The following SH3PXD2A variants were observed in gnomAD, a reference collection of about 807,000 sequenced individuals.
The protein encoded by SH3PXD2A is SH3 and PX domain-containing protein 2A.
SH3PXD2A carries 32 observed loss-of-function variants against 115.2 expected under a neutral mutation model. The ratio of observed to expected loss-of-function variants is 0.28; its 90% CI spans 0.21 to 0.37. The LOEUF (loss-of-function observed/expected upper bound fraction) is 0.37. Among genes scored for constraint, SH3PXD2A ranks in the 10% least tolerant of loss-of-function variants. The probability of loss-of-function intolerance (pLI) is 1.00; values close to 1 mark genes in which losing one functional copy is unlikely to be tolerated. For synonymous variants in SH3PXD2A, 610 were observed against 629.1 expected (o/e 0.97, Z 0.45); for missense variants, 1,328 against 1,498.7 (o/e 0.89, Z 1.88).
intron 9 of SH3PXD2A, among the ~76,000 whole-genome samples, chr10:103,626,098 C>T (rs1450662350): frequency 6.6e-6 from 1 of 152,254 alleles, no homozygotes; most frequent in Non-Finnish European, 1.5e-5. Context: ...GGGCCTTGTC[C>T]CTGGAAACCT....
chr10:103,821,897 C>T (rs2039384428), intron 1 of SH3PXD2A, among the ~76,000 whole-genome samples: 1 of 120,558 alleles, frequency 8.3e-6, no homozygotes, highest in African/African-American at 3.2e-5. Context: ...TTACTTCATC[C>T]TTCTTCTTTT....
chr10:103,812,961 GTA>G (rs1338958511), intron 1 of SH3PXD2A, among the ~76,000 whole-genome samples: 1 of 152,140 alleles, frequency 6.6e-6, no homozygotes, highest in Non-Finnish European at 1.5e-5. Context: ...GTATGTGTGT[GTA>G]TATATGTGTG....
chr10:103,602,426 C>T lies in SH3PXD2A; in HGVS notation c.2792G>A (p.Arg931Lys), dbSNP rs2036231903. ...GACGGTGTTCAGTGCTTGGACGCGCCTCTCGATCTTCTCCAGGCTGTCTGA... is the reference window on the plus strand; with the variant it reads ...GACGGTGTTCAGTGCTTGGACGCGCTTCTCGATCTTCTCCAGGCTGTCTGA... Reference protein sequence around the residue: ...GKSDSLEKIERRVQALNTVNQ... With the variant: ...GKSDSLEKIEKRVQALNTVNQ... Residue 931 changes from arginine to lysine, a missense_variant, in exon 15 of 15, where the codon AGG becomes AAG. Around this residue, in one of 5 missense-constraint regions of SH3PXD2A, gnomAD observed 574 missense variants for 565.7 expected, o/e 1.01. Coordinates refer to ENST00000369774, the MANE Select transcript of SH3PXD2A (RefSeq NM_001394015.1). 3 of 1,614,168 alleles carry T rather than the reference C, an allele frequency of 1.9e-6. No individual in the cohort carries two copies. Among genetic ancestry groups the T allele is most frequent in the South Asian group, 2.2e-5 (2 of 91,086 alleles).
intron 1 of SH3PXD2A, among the ~76,000 whole-genome samples, chr10:103,815,557 T>C (rs1238846445): frequency 1.3e-5 from 2 of 151,460 alleles, no homozygotes; most frequent in South Asian, 2.1e-4. Context: ...TGAATGAACC[T>C]GGAGGACATT....
chr10:103,616,574 G>T (rs2036521752), intron 11 of SH3PXD2A, among the ~76,000 whole-genome samples: 1 of 152,230 alleles, frequency 6.6e-6, no homozygotes, highest in African/African-American at 2.4e-5. Context: ...TGGGAACTGT[G>T]ATTAGGCCTG....
chr10:103,740,632 G>A (rs1474863488), intron 3 of SH3PXD2A, among the ~76,000 whole-genome samples: 1 of 152,216 alleles, frequency 6.6e-6, no homozygotes, highest in Non-Finnish European at 1.5e-5. Flanking sequence ...TATAGGAGCC[G>A]TAAGAGAGGG....
At chr10:103,721,058 AG>A (rs1415710039) in intron 5 of SH3PXD2A, among the ~76,000 whole-genome samples, 12 of 152,226 alleles carry the variant, frequency 7.9e-5, no homozygotes, top group Admixed American at 7.2e-4. Flanking sequence ...CTCAAGAAAG[AG>A]GCAGATAACC....
intron 6 of SH3PXD2A, 99 bp downstream of exon 6, chr10:103,692,929 C>T (rs184726696): frequency 3.1e-6 from 3 of 966,194 alleles, no homozygotes; most frequent in African/African-American, 1.7e-5. Context: ...AGGACAACCC[C>T]CCCCTCCCCG....
chr10:103,642,251 A>G (rs1383990887), intron 8 of SH3PXD2A, among the ~76,000 whole-genome samples: 1 of 152,048 alleles, frequency 6.6e-6, no homozygotes, highest in Non-Finnish European at 1.5e-5. Flanking sequence ...AGAAAAGCAC[A>G]CACGATGAAA....
chr10:103,603,920 G>T, intron 14 of SH3PXD2A, 131 bp from the exon 15 acceptor site: 1 of 1,049,130 alleles, frequency 9.5e-7, no homozygotes, highest in Non-Finnish European at 1.3e-6. Context: ...CCGAGCCACT[G>T]AGTAAGTGGC....
chr10:103,821,643 C>G (rs2039381466), intron 1 of SH3PXD2A, among the ~76,000 whole-genome samples: 1 of 152,046 alleles, frequency 6.6e-6, no homozygotes, highest in Admixed American at 6.6e-5. Context: ...GCCTCGACCT[C>G]CTGGGCTCAA....
At chr10:103,623,001 T>G (rs914435593) in intron 9 of SH3PXD2A, among the ~76,000 whole-genome samples, 1 of 152,156 alleles carries the variant, frequency 6.6e-6, no homozygotes, top group East Asian at 1.9e-4. Flanking sequence ...GAGTACTGAC[T>G]GTGAACGTGC....
intron 1 of SH3PXD2A, among the ~76,000 whole-genome samples, chr10:103,824,381 C>T (rs2039409672): frequency 6.6e-6 from 1 of 152,170 alleles, no homozygotes; most frequent in Admixed American, 6.5e-5. Context: ...TGAAGCAGTC[C>T]CGAACTCAGC....
intron 3 of SH3PXD2A, among the ~76,000 whole-genome samples, chr10:103,760,318 C>T (rs939933906): frequency 1.3e-5 from 2 of 152,130 alleles, no homozygotes; most frequent in African/African-American, 4.8e-5. Context: ...CCTGTAATCC[C>T]AACACTTTGG....
rs1304194238 is a variant in SH3PXD2A, at chr10:103,693,026, A to C, written c.427+2T>G. 6.2e-7 allele frequency: 1 copy of C among 1,612,640 alleles called. No individual in the cohort carries two copies. Among genetic ancestry groups the C allele is most frequent in the African/African-American group, 1.3e-5 (1 of 74,832 alleles). ...AGGGAAAACGCCCGGAGGCTCCCTTACCTGATTTCCTCTTGGAACTGCCAT... is the reference window on the plus strand; with the variant it reads ...AGGGAAAACGCCCGGAGGCTCCCTTCCCTGATTTCCTCTTGGAACTGCCAT... On this transcript the variant is annotated splice_donor_variant, in intron 6 of 14. Coordinates refer to ENST00000369774, the MANE Select transcript of SH3PXD2A (RefSeq NM_001394015.1). LOFTEE classifies it high-confidence loss of function.
intron 1 of SH3PXD2A, among the ~76,000 whole-genome samples, chr10:103,812,563 C>G (rs191210891): frequency 1.3e-5 from 2 of 152,114 alleles, no homozygotes; most frequent in African/African-American, 4.8e-5. Context: ...CTACTGACCC[C>G]GACACACACA....
intron 4 of SH3PXD2A, 22 bp downstream of exon 4, chr10:103,735,710 C>T (rs762291869): frequency 6.4e-7 from 1 of 1,574,068 alleles, no homozygotes; most frequent in South Asian, 1.1e-5. Flanking sequence ...AGCCCCTCCC[C>T]CAGCCCCAGA....
intron 4 of SH3PXD2A, among the ~76,000 whole-genome samples, chr10:103,728,142 G>A (rs144464541): frequency 6.6e-6 from 1 of 152,354 alleles, no homozygotes; most frequent in Non-Finnish European, 1.5e-5. Context: ...AGAGCCTCAG[G>A]ACCTCAGGGC....
At chr10:103,837,728 G>A in intron 1 of SH3PXD2A, among the ~76,000 whole-genome samples, 1 of 152,192 alleles carries the variant, frequency 6.6e-6, no homozygotes, top group Non-Finnish European at 1.5e-5. Context: ...AAATAGGCAG[G>A]AGAACTGTAG....
Sources: allele counts gnomAD v4.1 joint callset (sites outside exome capture counted in the v4.1 genomes callset), GRCh38; gene constraint gnomAD v4.1.1; regional missense constraint gnomAD v4.1.1; transcripts MANE v1.5; gene names NCBI Gene and HGNC (gene_info 2026-07-23, HGNC 2026-07-21).